Variants in ASTL observed in about 807,000 individuals in gnomAD.
ASTL encodes the protein astacin-like metalloendopeptidase.
A neutral mutation model predicts 36.7 loss-of-function variants in ASTL; 27 were observed. The ratio of observed to expected loss-of-function variants is 0.73; its 90% CI spans 0.54 to 1.01. The LOEUF (loss-of-function observed/expected upper bound fraction) is 1.01, where lower values mean the gene tolerates loss of function less well. ASTL is among the 50% of genes least tolerant of loss of function. The pLI is 0.00. For synonymous variants in ASTL, 222 were observed against 228.1 expected (o/e 0.97, Z 0.24); for missense variants, 524 against 572.8 (o/e 0.91, Z 0.87).
intron 8 of ASTL, 130 bp downstream of exon 8, chr2:96,129,694 T>C (rs1682128615): frequency 1.2e-6 from 1 of 816,374 alleles, no homozygotes; most frequent in Non-Finnish European, 1.8e-6. Context: ...TCTGCGTCGT[T>C]GTGGCAAGCC....
At chr2:96,136,132 G>T (rs1682294865) in intron 2 of ASTL, among the ~76,000 whole-genome samples, 1 of 152,216 alleles carries the variant, frequency 6.6e-6, no homozygotes, top group Non-Finnish European at 1.5e-5. Context: ...CTCACAGGGG[G>T]AGTGAGGGAA....
In ASTL at chr2:96,130,137, T is replaced by C. The variant is rs758892466; in HGVS notation, c.646A>G (p.Ile216Val). 2 of 1,613,318 alleles carry C rather than the reference T, an allele frequency of 1.2e-6. No individual in the cohort carries two copies. The highest frequency in any genetic ancestry group is 1.7e-5 in the Admixed American group (1 of 60,024). ...NWNEILPGFEINFIKSQSSNM... is the reference protein window; with the variant it reads ...NWNEILPGFEVNFIKSQSSNM... The stretch of plus-strand genomic sequence containing the variant: ...CTGCTCTGAGACTTGATGAAGTTGA[T>C]TTCAAAGCCTAAAAATACAAAAACA... The change falls in exon 7 of 9, where the codon ATC (isoleucine) becomes GTC (valine). Residue 216 changes from isoleucine (I) to valine (V), a missense_variant. Ile to Val is a conservative substitution (Grantham distance 29, BLOSUM62 3). Coordinates refer to ENST00000342380, the MANE Select transcript of ASTL (RefSeq NM_001002036.4).
Position 96,133,968 on chromosome 2 carries a change from A to C in ASTL, c.334T>G (p.Tyr112Asp). ...GGAGCGCGCCATGCTCACTCACCGT[A>C]CTTGCTGGAGAGCAGGAAGGGGACC... ...VEVPFLLSSKYDEPSRQVILE... is the reference protein window; with the variant it reads ...VEVPFLLSSKDDEPSRQVILE... The change falls in exon 4 of 9, where the codon TAC becomes GAC. Residue 112 changes from tyrosine to aspartate, a missense_variant. Tyr to Asp is a radical substitution (Grantham distance 160, BLOSUM62 -3). Coordinates refer to ENST00000342380, the MANE Select transcript of ASTL (RefSeq NM_001002036.4). The C allele has an allele frequency of 6.2e-7, 1 of 1,609,512 alleles. No individual in the cohort carries two copies. Among genetic ancestry groups the C allele is most frequent in the South Asian group, 1.1e-5 (1 of 90,970 alleles).
chr2:96,133,930 C>T, intron 4 of ASTL, 35 bp downstream of exon 4: 1 of 1,407,526 alleles, frequency 7.1e-7, no homozygotes, highest in Non-Finnish European at 1.0e-6. Context: ...GAAGAAGGGG[C>T]TGAGGCAGGG....
intron 8 of ASTL, among the ~76,000 whole-genome samples, chr2:96,129,180 AT>A (rs1489929095): frequency 6.6e-6 from 1 of 152,216 alleles, no homozygotes; most frequent in Non-Finnish European, 1.5e-5. Flanking sequence ...TTTAAGTATT[AT>A]TTAACGATTT....
In ASTL at chr2:96,132,910, A is replaced by G. The variant is rs1682214969; in HGVS notation, c.456-189T>C. On this transcript the variant is annotated intron_variant, in intron 5 of 8. Coordinates refer to ENST00000342380, the MANE Select transcript of ASTL (RefSeq NM_001002036.4). The surrounding 1 kb of genome is among the most constrained non-coding windows in gnomAD (Gnocchi z 5.4). ...CTGCCTGGACTTCTGTGAAATGGCC[A>G]TACCGGACCCCCATCACCAGCCTGG... Among the ~76,000 whole-genome samples, 1 of 152,164 alleles carries G rather than the reference A, an allele frequency of 6.6e-6. No individual in the cohort carries two copies. Among genetic ancestry groups the G allele is most frequent in the South Asian group, 2.1e-4 (1 of 4,830 alleles).
chr2:96,129,799 G>T lies in ASTL; in HGVS notation c.874+25C>A, dbSNP rs776748873. On this transcript the variant is annotated intron_variant, in intron 8 of 8. Coordinates refer to ENST00000342380, the MANE Select transcript of ASTL (RefSeq NM_001002036.4). ...GCACAGGCGCCTTCTCCAGGTTCAA[G>T]TCACCTTCCTGCCATGCCACTCACC... 6.6e-6 allele frequency: 10 copies of T among 1,513,118 alleles called. No homozygotes were observed. The African/African-American group carries it at 1.3e-4, about 19-fold the overall frequency. 93.7% of individuals were successfully genotyped at this position (1,513,118 alleles called of 1,614,324 possible).
At chr2:96,131,639 G>T (rs756447787) in intron 6 of ASTL, among the ~76,000 whole-genome samples, 1 of 151,984 alleles carries the variant, frequency 6.6e-6, no homozygotes, top group African/African-American at 2.4e-5. Flanking sequence ...CACGTGCCCC[G>T]TCACCCCTTT....
At chr2:96,125,067 G>T (rs1057081079) in intron 8 of ASTL, among the ~76,000 whole-genome samples, 3 of 152,162 alleles carry the variant, frequency 2.0e-5, no homozygotes, top group African/African-American at 7.2e-5. Flanking sequence ...CACTGAGGTA[G>T]CGCGGCTCTG....
intron 1 of ASTL, 89 bp from the exon 2 acceptor site, chr2:96,137,789 C>CA: frequency 7.3e-7 from 1 of 1,366,812 alleles, no homozygotes; most frequent in Non-Finnish European, 1.0e-6. Context: ...TGTGGGGGAT[C>CA]AGACGGTAAG....
At position 96,132,186 on chromosome 2, in the gene ASTL, G is replaced by A. The variant is rs776585983; in HGVS notation, c.637+354C>T. Among the ~76,000 whole-genome samples the A allele has an allele frequency of 2.9e-4, 44 of 152,212 alleles. No individual in the cohort carries two copies. The highest frequency in any genetic ancestry group is 5.4e-4 in the Non-Finnish European group (37 of 68,050). On this transcript the variant is annotated intron_variant, in intron 6 of 8. Transcript: ENST00000342380. The surrounding 1 kb of genome is among the most constrained non-coding windows in gnomAD (Gnocchi z 5.4). ...CCCCAGTCCATGGTGGTGGTATCTG[G>A]TACATGAGACCGCTGCTAGAGTACT... is the stretch of plus-strand genomic sequence containing the variant.
chr2:96,137,362 C>T (rs920890771), intron 2 of ASTL, among the ~76,000 whole-genome samples: 4 of 152,138 alleles, frequency 2.6e-5, no homozygotes, highest in African/African-American at 7.2e-5. Flanking sequence ...CCCAGCTGCT[C>T]GGGAGGCAGA....
rs1202273148 is a variant in ASTL, at chr2:96,132,699, T to C, written c.478A>G (p.Ser160Gly). 6.2e-7 allele frequency: 1 copy of C among 1,612,002 alleles called. No homozygotes were observed. The highest frequency in any genetic ancestry group is 1.3e-5 in the African/African-American group (1 of 75,002). Residue 160 changes from serine to glycine, a missense_variant, in exon 6 of 9, where the codon AGT becomes GGT. Physicochemically the swap from Ser to Gly is moderately conservative, Grantham distance 56 (BLOSUM62 0). Transcript: ENST00000342380. The surrounding 1 kb of genome is among the most constrained non-coding windows in gnomAD (Gnocchi z 5.4). ...MYGCFSSVGR[S>G]GGMQVVSLAP... ...AGGGAGACCACCTGCATCCCTCCAC[T>C]GCGCCCCACACTCGAGAAGCACCTG...
chr2:96,138,563 TCAACCGCCTCCACCTGCAGCCCCGCCC>T (rs1486300997), upstream of ASTL: 500 of 717,318 alleles, frequency 7.0e-4, 6 homozygotes, highest in South Asian at 8.0e-3. Context: ...CTTGCTCCCC[TCAACCGCCTCCACCTGCAGCCCCGCCC>T]CAACCACCTC....
At chr2:96,133,808 G>A (rs907717837) in intron 4 of ASTL, 157 bp downstream of exon 4, 1 of 676,274 alleles carries the variant, frequency 1.5e-6, no homozygotes, top group African/African-American at 1.8e-5. Context: ...TCCCTACTCA[G>A]GAGACCTTCA....
chr2:96,135,335 C>T lies in ASTL; in HGVS notation c.243+16G>A. The T allele has an allele frequency of 3.1e-6, 5 of 1,607,948 alleles. No homozygotes were observed. Among genetic ancestry groups the T allele is most frequent in the Non-Finnish European group, 4.3e-6 (5 of 1,174,428 alleles). On this transcript the variant is annotated intron_variant, in intron 3 of 8. Coordinates refer to ENST00000342380, the MANE Select transcript of ASTL (RefSeq NM_001002036.4). ...TGGGCTTATCCGCACCCACACACGT[C>T]AGTGTGTGCACTCACCGGCCGGATG...
At position 96,135,358 on chromosome 2, in the gene ASTL, A is replaced by T; in HGVS notation, c.236T>A (p.Ile79Asn). Residue 79 changes from isoleucine to asparagine, a missense_variant, in exon 3 of 9, where the codon ATC becomes AAC. Transcript: ENST00000342380. ...ESSFLIEGDI[I>N]RPSPFRLLSA... ...GTCAGTGTGTGCACTCACCGGCCGG[A>T]TGATGTCCCCCTCGATGAGGAAGCT... is the stretch of plus-strand genomic sequence containing the variant. The T allele has an allele frequency of 6.2e-7, 1 of 1,614,066 alleles. No individual in the cohort carries two copies. Among genetic ancestry groups the T allele is most frequent in the Non-Finnish European group, 8.5e-7 (1 of 1,179,948 alleles).
At chr2:96,134,264 T>C (rs1682250777) in intron 3 of ASTL, among the ~76,000 whole-genome samples, 1 of 152,212 alleles carries the variant, frequency 6.6e-6, no homozygotes, top group African/African-American at 2.4e-5. Flanking sequence ...AGACAGTCCC[T>C]TGGCCTATGA....
chr2:96,134,919 C>A (rs1433922758), intron 3 of ASTL, among the ~76,000 whole-genome samples: 1 of 152,248 alleles, frequency 6.6e-6, no homozygotes, highest in Non-Finnish European at 1.5e-5. Flanking sequence ...TCGACCACAG[C>A]CAAGATGGTC....
Sources: allele counts gnomAD v4.1 joint callset (sites outside exome capture counted in the v4.1 genomes callset), GRCh38; gene constraint gnomAD v4.1.1; non-coding constraint Gnocchi (gnomAD v3.1); transcripts MANE v1.5; gene names NCBI Gene and HGNC (gene_info 2026-07-23, HGNC 2026-07-21).